Variants in CFAP299 observed in about 807,000 individuals in gnomAD.
CFAP299 encodes the protein cilia- and flagella-associated protein 299.
A neutral mutation model predicts 27.0 loss-of-function variants in CFAP299; 21 were observed. The ratio of observed to expected loss-of-function variants is 0.78; its 90% confidence interval spans 0.55 to 1.12. The LOEUF is 1.12. CFAP299 is among the 50% of genes most tolerant of loss of function. The pLI, the probability that CFAP299 is intolerant of heterozygous loss-of-function variation, is 0.00. For synonymous variants in CFAP299, 104 were observed against 98.1 expected (o/e 1.06, Z -0.36); for missense variants, 310 against 276.6 (o/e 1.12, Z -0.86).
intron 2 of CFAP299, among the ~76,000 whole-genome samples, chr4:80,513,785 G>A (rs968374917): frequency 5.9e-5 from 9 of 151,988 alleles, no homozygotes; most frequent in African/African-American, 2.2e-4. Context: ...ACTACCTTGA[G>A]AATAATAAAA....
chr4:80,618,401 C>A (rs1324211136), intron 3 of CFAP299, among the ~76,000 whole-genome samples: 1 of 151,956 alleles, frequency 6.6e-6, no homozygotes, highest in Non-Finnish European at 1.5e-5. Flanking sequence ...GACAACCAGC[C>A]AAGTATGTAC....
At chr4:80,502,558 C>G (rs2110152968) in intron 2 of CFAP299, among the ~76,000 whole-genome samples, 1 of 152,066 alleles carries the variant, frequency 6.6e-6, no homozygotes, top group South Asian at 2.1e-4. Context: ...TTCCTCTTAT[C>G]TGATTTCTGT....
chr4:80,740,947 C>G (rs937559653), intron 3 of CFAP299, among the ~76,000 whole-genome samples: 1 of 152,104 alleles, frequency 6.6e-6, no homozygotes, highest in Non-Finnish European at 1.5e-5. Context: ...CTGTCAGGTC[C>G]CCTCTGGCCT....
At chr4:80,556,978 T>G (rs1279539440) in intron 2 of CFAP299, among the ~76,000 whole-genome samples, 1 of 152,122 alleles carries the variant, frequency 6.6e-6, no homozygotes, top group African/African-American at 2.4e-5. Context: ...TTGTATGGTA[T>G]ATAACTAAAG....
chr4:80,674,791 C>T (rs1007529372), intron 3 of CFAP299, among the ~76,000 whole-genome samples: 1 of 152,018 alleles, frequency 6.6e-6, no homozygotes, highest in African/African-American at 2.4e-5. Context: ...ATCATTGATA[C>T]ACATTATTCA....
intron 3 of CFAP299, among the ~76,000 whole-genome samples, chr4:80,803,871 T>C (rs1728734959): frequency 6.6e-6 from 1 of 151,992 alleles, no homozygotes; most frequent in Admixed American, 6.6e-5. Flanking sequence ...TTAGTCTGTT[T>C]GTGCTGTTAC....
intron 4 of CFAP299, among the ~76,000 whole-genome samples, chr4:80,935,911 A>T (rs568564125): frequency 6.6e-6 from 1 of 152,302 alleles, no homozygotes; most frequent in African/African-American, 2.4e-5. Context: ...ACATGAACAG[A>T]GACACTTTAC....
chr4:80,842,523 T>A (rs11729590), intron 3 of CFAP299, among the ~76,000 whole-genome samples: 44,276 of 152,086 alleles, frequency 0.29, 8,215 homozygotes, highest in African/African-American at 0.52. Context: ...TTTCTTAGTA[T>A]GTTTTATTGT....
chr4:80,598,494 A>C (rs75393991), intron 3 of CFAP299, among the ~76,000 whole-genome samples: 6,483 of 152,288 alleles, frequency 0.043, 421 homozygotes, highest in African/African-American at 0.14. Context: ...GATTAGTTTG[A>C]ATATCAAAAC....
At chr4:80,331,679 G>T (rs541418925), upstream of CFAP299, among the ~76,000 whole-genome samples, 24 of 152,240 alleles carry the variant, frequency 1.6e-4, no homozygotes, top group African/African-American at 5.8e-4. Context: ...TTGAAAGAGG[G>T]AACACTGGAG....
At chr4:80,612,573 T>G in intron 3 of CFAP299, among the ~76,000 whole-genome samples, 1 of 152,122 alleles carries the variant, frequency 6.6e-6, no homozygotes. Context: ...GTGAAATCTC[T>G]GTAACTGTAT....
chr4:80,844,636 T>G (rs1731065903), intron 3 of CFAP299, among the ~76,000 whole-genome samples: 1 of 152,300 alleles, frequency 6.6e-6, no homozygotes, highest in East Asian at 1.9e-4. Flanking sequence ...TTGAGTTCAT[T>G]GTAGATTCTG....
intron 3 of CFAP299, among the ~76,000 whole-genome samples, chr4:80,662,151 T>C (rs1218087426): frequency 3.3e-5 from 5 of 152,264 alleles, no homozygotes; most frequent in African/African-American, 9.6e-5. Flanking sequence ...TGTGATATTT[T>C]ATTACCTTGT....
At chr4:80,794,776 T>C (rs1399835451) in intron 3 of CFAP299, among the ~76,000 whole-genome samples, 1 of 152,176 alleles carries the variant, frequency 6.6e-6, no homozygotes. Context: ...CCAAAGTAAG[T>C]GTATATTCCA....
chr4:80,689,431 C>G (rs1489731535), intron 3 of CFAP299, among the ~76,000 whole-genome samples: 3 of 152,298 alleles, frequency 2.0e-5, no homozygotes, highest in Admixed American at 2.0e-4. Flanking sequence ...AATTTCATAT[C>G]CAGCCAAACT....
rs181526356 is a variant in CFAP299 at position 80,920,365 on chromosome 4, A to T, written c.477-24445A>T. 4.1e-3 allele frequency among the ~76,000 whole-genome samples: 617 copies of T among 152,268 alleles called. 1 individual carries two copies. Among genetic ancestry groups the T allele is most frequent in the Middle Eastern group, 0.014 (4 of 294 alleles). On this transcript the variant is annotated intron_variant, in intron 4 of 5. Transcript: ENST00000358105. ...CAAAGCAGTAGGGATGGGGTCAGGTAGGGCCAGATTGTAGTGTCAGCATAC... is the reference window on the plus strand; with the variant it reads ...CAAAGCAGTAGGGATGGGGTCAGGTTGGGCCAGATTGTAGTGTCAGCATAC...
chr4:80,467,116 G>A (rs1729742881), intron 2 of CFAP299, among the ~76,000 whole-genome samples: 1 of 152,218 alleles, frequency 6.6e-6, no homozygotes, highest in African/African-American at 2.4e-5. Context: ...TGGAGCAGTA[G>A]TATGTTGGAG....
intron 4 of CFAP299, among the ~76,000 whole-genome samples, chr4:80,891,776 A>AATT (rs1451611380): frequency 2.0e-5 from 2 of 100,464 alleles, no homozygotes; most frequent in African/African-American, 1.3e-4. Context: ...AAAAAAAAAA[A>AATT]TTAAAAAAAA....
At chr4:80,481,916 A>G (rs1052179027) in intron 2 of CFAP299, among the ~76,000 whole-genome samples, 1 of 152,082 alleles carries the variant, frequency 6.6e-6, no homozygotes, top group Non-Finnish European at 1.5e-5. Flanking sequence ...CTAATATTCA[A>G]TATCAAATAT....
Sources: allele counts gnomAD v4.1 joint callset (sites outside exome capture counted in the v4.1 genomes callset), GRCh38; gene constraint gnomAD v4.1.1; transcripts MANE v1.5; gene names NCBI Gene and HGNC (gene_info 2026-07-23, HGNC 2026-07-21).